Variants in ROR1 observed in about 807,000 individuals in gnomAD.
ROR1 encodes the protein inactive tyrosine-protein kinase transmembrane receptor ROR1.
ROR1 carries 19 observed loss-of-function variants against 78.8 expected under a neutral mutation model. That is an observed-to-expected ratio of 0.24 (90% CI 0.17 to 0.35). ROR1 has a LOEUF of 0.35. Ranked by LOEUF, ROR1 falls within the 10% of genes least tolerant of loss-of-function variation. The pLI is 1.00. For missense variants in ROR1, 917 were observed against 1,177.8 expected, an observed-to-expected ratio of 0.78 and a Z score of 3.24; for synonymous variants, 386 against 433.6, an observed-to-expected ratio of 0.89 and a Z score of 1.36.
At chr1:64,173,183 C>T (rs1650287120) in intron 8 of ROR1, among the ~76,000 whole-genome samples, 1 of 152,010 alleles carries the variant, frequency 6.6e-6, no homozygotes, top group Non-Finnish European at 1.5e-5. Context: ...CACAGGTGTT[C>T]GAAGGGAAGA....
intron 1 of ROR1, among the ~76,000 whole-genome samples, chr1:63,850,141 G>A (rs1377750062): frequency 6.6e-6 from 1 of 152,148 alleles, no homozygotes; most frequent in African/African-American, 2.4e-5. Context: ...TACTGTACCT[G>A]TCATACATCT....
intron 2 of ROR1, among the ~76,000 whole-genome samples, chr1:64,045,917 C>G (rs137963540): frequency 3.4e-4 from 51 of 152,198 alleles, no homozygotes; most frequent in African/African-American, 1.1e-3. Flanking sequence ...TTGACATTTG[C>G]AGTCTAGGGA....
At chr1:63,865,093 C>A (rs1409877349) in intron 1 of ROR1, among the ~76,000 whole-genome samples, 1 of 152,102 alleles carries the variant, frequency 6.6e-6, no homozygotes, top group South Asian at 2.1e-4. Context: ...CACAAACATA[C>A]ATATACATTT....
intron 1 of ROR1, among the ~76,000 whole-genome samples, chr1:63,921,520 T>C (rs1368670844): frequency 6.6e-6 from 1 of 152,102 alleles, no homozygotes; most frequent in Non-Finnish European, 1.5e-5. Flanking sequence ...ATGATCATTA[T>C]GGTTGTTGTC....
chr1:64,172,358 G>A (rs1041850736), intron 8 of ROR1, among the ~76,000 whole-genome samples: 1 of 152,068 alleles, frequency 6.6e-6, no homozygotes, highest in African/African-American at 2.4e-5. Context: ...AAAGAAAGAA[G>A]CATCTTGGAA....
intron 1 of ROR1, among the ~76,000 whole-genome samples, chr1:63,858,308 C>G (rs948586026): frequency 6.6e-6 from 1 of 152,134 alleles, no homozygotes; most frequent in Admixed American, 6.6e-5. Flanking sequence ...AAAGACATCT[C>G]CATCCTTCCC....
intron 2 of ROR1, among the ~76,000 whole-genome samples, chr1:64,014,784 T>C (rs1646507599): frequency 1.9e-5 from 1 of 53,996 alleles, no homozygotes; most frequent in Non-Finnish European, 3.6e-5. Flanking sequence ...ACACATTTTG[T>C]CCTGGTTTGC....
chr1:63,873,405 AAAAAC>A (rs1168019711), intron 1 of ROR1, among the ~76,000 whole-genome samples: 1 of 152,208 alleles, frequency 6.6e-6, no homozygotes, highest in Non-Finnish European at 1.5e-5. Context: ...CCGTTCTTTA[AAAAAC>A]AAAACAAAAC....
intron 1 of ROR1, among the ~76,000 whole-genome samples, chr1:63,926,210 T>A (rs1337749262): frequency 1.3e-5 from 2 of 150,204 alleles, no homozygotes; most frequent in African/African-American, 4.9e-5. Context: ...AAGGAAGGGA[T>A]CCAGTTTCAG....
In ROR1 at chr1:63,823,216, T is replaced by C. The variant is rs188937935; in HGVS notation, c.91+48708T>C. On this transcript the variant is annotated intron_variant, in intron 1 of 8. Coordinates refer to ENST00000371079, the MANE Select transcript of ROR1 (RefSeq NM_005012.4). ...TCGAGGACAGATCTTCTTTCCTTGG[T>C]CCCTCCCAATCCATGATGGGACTTG... Among the ~76,000 whole-genome samples the C allele has an allele frequency of 5.3e-5, 8 of 152,216 alleles. No individual in the cohort carries two copies. In the East Asian group the frequency reaches 1.5e-3, roughly 29 times the overall value.
At chr1:63,929,940 G>T (rs928774641) in intron 1 of ROR1, among the ~76,000 whole-genome samples, 1 of 152,122 alleles carries the variant, frequency 6.6e-6, no homozygotes, top group African/African-American at 2.4e-5. Context: ...CTCTCACTGT[G>T]AGTCTGTAGA....
rs751905033 is a variant in ROR1 at position 64,178,742 on chromosome 1, GT to G, written c.2706del (p.Phe902LeufsTer19). ...PNHPGGMGIT[V>X]FGNKSQKPYK... ...TCATCCTGGTGGAATGGGTATCACC[GT>G]TTTTGGCAACAAATCTCAAAAACCC... On this transcript the variant is annotated frameshift_variant, in exon 9 of 9. Coordinates refer to ENST00000371079, the MANE Select transcript of ROR1 (RefSeq NM_005012.4). LOFTEE classifies it high-confidence loss of function. This position sits in a 1 kb window ranked among gnomAD's most constrained non-coding sequence, Gnocchi z 4.3. 6 of 1,614,018 alleles carry G rather than the reference GT, an allele frequency of 3.7e-6. No individual in the cohort carries two copies. Among genetic ancestry groups the G allele is most frequent in the Non-Finnish European group, 5.1e-6 (6 of 1,180,006 alleles).
intron 1 of ROR1, among the ~76,000 whole-genome samples, chr1:63,987,125 A>G (rs774381492): frequency 6.6e-6 from 1 of 152,114 alleles, no homozygotes; most frequent in Non-Finnish European, 1.5e-5. Flanking sequence ...ATGCTGTCAC[A>G]CAGATCCAAG....
chr1:64,067,378 C>T (rs2100612966), intron 4 of ROR1, among the ~76,000 whole-genome samples: 1 of 142,958 alleles, frequency 7.0e-6, no homozygotes, highest in Non-Finnish European at 1.5e-5. Context: ...AAAAGGAGGC[C>T]TGTCGCGGTG....
chr1:63,806,348 C>T (rs1020124237), intron 1 of ROR1, among the ~76,000 whole-genome samples: 10 of 143,930 alleles, frequency 6.9e-5, no homozygotes, highest in East Asian at 2.0e-4. Flanking sequence ...GATGGAGTCT[C>T]GCTCTGTCGC....
intron 1 of ROR1, among the ~76,000 whole-genome samples, chr1:64,002,320 G>A (rs1290155613): frequency 6.6e-6 from 1 of 152,024 alleles, no homozygotes; most frequent in African/African-American, 2.4e-5. Flanking sequence ...TTTCAGTAGA[G>A]ACGGGGTTTC....
Position 64,137,436 on chromosome 1 carries a change from A to G in ROR1, c.550A>G (p.Asn184Asp). Residue 184 changes from asparagine to aspartate, a missense_variant, in exon 5 of 9, where the codon AAC (asparagine) becomes GAC (aspartate). Physicochemically the swap from Asn to Asp is conservative, Grantham distance 23 (BLOSUM62 1). Transcript: ENST00000371079. ...GATTGCATGTGCAAGATTTATTGGCAACCGCACCGTCTATATGGAGTCTTT... is the reference window on the plus strand; with the variant it reads ...GATTGCATGTGCAAGATTTATTGGCGACCGCACCGTCTATATGGAGTCTTT... ...RGIACARFIGNRTVYMESLHM... is the reference protein window; with the variant it reads ...RGIACARFIGDRTVYMESLHM... 1 of 1,614,086 alleles carries G rather than the reference A, an allele frequency of 6.2e-7. No homozygotes were observed. Among genetic ancestry groups the G allele is most frequent in the Non-Finnish European group, 8.5e-7 (1 of 1,179,928 alleles).
chr1:64,083,839 A>T (rs1333393831), intron 4 of ROR1, among the ~76,000 whole-genome samples: 1 of 152,176 alleles, frequency 6.6e-6, no homozygotes, highest in South Asian at 2.1e-4. Flanking sequence ...AGAGAATGAG[A>T]TGGGGAAAAT....
intron 1 of ROR1, among the ~76,000 whole-genome samples, chr1:63,809,856 G>A (rs924601819): frequency 6.6e-6 from 1 of 152,138 alleles, no homozygotes; most frequent in Non-Finnish European, 1.5e-5. Context: ...TTAAAGCAAG[G>A]CACACAAGAA....
Sources: allele counts gnomAD v4.1 joint callset (sites outside exome capture counted in the v4.1 genomes callset), GRCh38; gene constraint gnomAD v4.1.1; non-coding constraint Gnocchi (gnomAD v3.1); transcripts MANE v1.5; gene names NCBI Gene and HGNC (gene_info 2026-07-23, HGNC 2026-07-21).